The following FRYL variants were observed in gnomAD, a reference collection of about 807,000 sequenced individuals.
The protein encoded by FRYL is FRY like transcription coactivator, also known as protein furry homolog-like.
In FRYL, 150 loss-of-function variants were observed where a neutral mutation model predicts 351.2. The observed-to-expected ratio is 0.43, with a 90% CI of 0.37 to 0.49. The LOEUF (loss-of-function observed/expected upper bound fraction) is 0.49. FRYL is among the 20% of genes least tolerant of loss of function. The probability of loss-of-function intolerance (pLI) is 0.00; values close to 1 mark genes in which losing one functional copy is unlikely to be tolerated. For synonymous variants in FRYL, 1,153 were observed against 1,257.1 expected, an observed-to-expected ratio of 0.92 and a Z score of 1.75; for missense variants, 3,036 against 3,619.3, an observed-to-expected ratio of 0.84 and a Z score of 4.13.
At chr4:48,680,180 C>A (rs1323082358) in intron 3 of FRYL, among the ~76,000 whole-genome samples, 1 of 151,712 alleles carries the variant, frequency 6.6e-6, no homozygotes, top group Non-Finnish European at 1.5e-5. Flanking sequence ...ATCAAACTTG[C>A]AGAGGGTTTA....
In FRYL at chr4:48,544,803, A is replaced by G; in HGVS notation, c.5381T>C (p.Val1794Ala). 1 of 1,599,688 alleles carries G rather than the reference A, an allele frequency of 6.3e-7. No individual in the cohort carries two copies. Among genetic ancestry groups the G allele is most frequent in the Non-Finnish European group, 8.5e-7 (1 of 1,175,262 alleles). The change falls in exon 43 of 64, where the codon GTT (valine) becomes GCT (alanine). Residue 1794 changes from valine to alanine, a missense_variant. This residue lies in a region of FRYL where 1,987 missense variants were observed against 2,311.7 expected (regional missense o/e 0.86). Coordinates refer to ENST00000358350, the MANE Select transcript of FRYL (RefSeq NM_015030.2). Reference sequence around the variant, plus strand: ...GATACCTGAGCTTGACTGCTTAAAAACAGAAACCACATGTTTCAAAAATGT... The same window carrying G: ...GATACCTGAGCTTGACTGCTTAAAAGCAGAAACCACATGTTTCAAAAATGT... ...LTTFLKHVVS[V>A]FKQSSSEGIH...
intron 1 of FRYL, among the ~76,000 whole-genome samples, chr4:48,758,802 T>G (rs577692448): frequency 6.6e-6 from 1 of 152,322 alleles, no homozygotes; most frequent in Admixed American, 6.5e-5. Context: ...TGTGGCACTA[T>G]TCACAATAGC....
chr4:48,734,981 A>G (rs1771156314), intron 1 of FRYL, among the ~76,000 whole-genome samples: 1 of 151,062 alleles, frequency 6.6e-6, no homozygotes. Context: ...GAATCTAATT[A>G]AACTAAAGAG....
chr4:48,750,865 T>G (rs184682144), intron 1 of FRYL, among the ~76,000 whole-genome samples: 1 of 152,280 alleles, frequency 6.6e-6, no homozygotes, highest in Admixed American at 6.5e-5. Flanking sequence ...GAGCTTACAT[T>G]ACTATATCCA....
intron 26 of FRYL, chr4:48,571,626 T>C: frequency 1.0e-6 from 1 of 984,600 alleles, no homozygotes; most frequent in Middle Eastern, 5.2e-4. Context: ...TTCTTGTCCA[T>C]GACCCAATTT....
In FRYL at chr4:48,498,840, C is replaced by T. The variant is rs1350675687; in HGVS notation, c.*582G>A. On this transcript the variant is annotated 3_prime_UTR_variant, in exon 64 of 64. Coordinates refer to ENST00000358350, the MANE Select transcript of FRYL (RefSeq NM_015030.2). ...CATCCCAACTCACACACACATAATT[C>T]CTTATACAGACCAAAAAACAAAAAA... 1 of 155,956 alleles carries T rather than the reference C, an allele frequency of 6.4e-6. No homozygotes were observed. Among genetic ancestry groups the T allele is most frequent in the Non-Finnish European group, 1.4e-5 (1 of 70,302 alleles). The allele number at this position is 155,956 out of a possible 1,614,324, so 9.7% of individuals were successfully genotyped here.
intron 33 of FRYL, among the ~76,000 whole-genome samples, chr4:48,559,643 A>AGAGG (rs1173680886): frequency 1.7e-4 from 14 of 84,834 alleles, no homozygotes; most frequent in African/African-American, 3.4e-4. Context: ...GGAGAGAGGA[A>AGAGG]GAGGGAGGGA....
intron 35 of FRYL, among the ~76,000 whole-genome samples, chr4:48,554,182 C>G (rs1040949188): frequency 1.3e-5 from 2 of 152,140 alleles, no homozygotes; most frequent in Non-Finnish European, 2.9e-5. Context: ...CCTAGCAAGA[C>G]AGGCATCATC....
chr4:48,736,204 T>G lies in FRYL; in HGVS notation c.-383-25506A>C, dbSNP rs112287642. Among the ~76,000 whole-genome samples the G allele has an allele frequency of 5.9e-3, 903 of 152,138 alleles. 7 individuals are homozygous for G. The highest frequency in any genetic ancestry group is 0.02 in the African/African-American group (832 of 41,548). On this transcript the variant is annotated intron_variant, in intron 1 of 63. Coordinates refer to ENST00000358350, the MANE Select transcript of FRYL (RefSeq NM_015030.2). ...AAAATACAACATCAAAACTGTGGGATGCAACAAATGAAATGCTTAGGGGGA... is the reference window on the plus strand; with the variant it reads ...AAAATACAACATCAAAACTGTGGGAGGCAACAAATGAAATGCTTAGGGGGA...
chr4:48,581,347 G>A (rs1740862305), intron 21 of FRYL, 73 bp downstream of exon 21: 1 of 1,344,634 alleles, frequency 7.4e-7, no homozygotes, highest in Admixed American at 2.2e-5. Flanking sequence ...CTACCTACAT[G>A]GGATAAGGAT....
chr4:48,517,038 G>C (rs187325727), intron 55 of FRYL, among the ~76,000 whole-genome samples: 79 of 152,232 alleles, frequency 5.2e-4, no homozygotes, highest in Non-Finnish European at 6.8e-4. Context: ...TAGTTAAGCA[G>C]GGAAAGCAGC....
chr4:48,728,576 CA>C (rs1374276646), intron 1 of FRYL, among the ~76,000 whole-genome samples: 2 of 151,946 alleles, frequency 1.3e-5, no homozygotes, highest in Non-Finnish European at 2.9e-5. Context: ...AAAAAGCAAA[CA>C]AAAAACCTAC....
chr4:48,613,336 G>C (rs988368054), intron 7 of FRYL, among the ~76,000 whole-genome samples: 82 of 152,262 alleles, frequency 5.4e-4, no homozygotes, highest in Admixed American at 3.7e-3. Context: ...TGCTCAACCT[G>C]TATATACAGG....
At chr4:48,505,508 A>G in intron 60 of FRYL, 39 bp downstream of exon 60, 5 of 1,213,782 alleles carry the variant, frequency 4.1e-6, no homozygotes, top group African/African-American at 1.5e-5. Context: ...TACCTGATAC[A>G]GAAAATGTAT....
chr4:48,612,322 C>T (rs1748372164), intron 7 of FRYL, among the ~76,000 whole-genome samples: 2 of 152,112 alleles, frequency 1.3e-5, no homozygotes, highest in Admixed American at 6.5e-5. Flanking sequence ...CCTTTTGACC[C>T]TGGTAATCTT....
At chr4:48,751,018 A>AG (rs1773202892) in intron 1 of FRYL, among the ~76,000 whole-genome samples, 1 of 152,210 alleles carries the variant, frequency 6.6e-6, no homozygotes, top group African/African-American at 2.4e-5. Flanking sequence ...CTTGGGACTG[A>AG]GGGGCACGTG....
chr4:48,599,179 T>C (rs1745197943), intron 13 of FRYL, among the ~76,000 whole-genome samples: 1 of 152,190 alleles, frequency 6.6e-6, no homozygotes, highest in Admixed American at 6.5e-5. Flanking sequence ...TGAATGTAAG[T>C]ATAGATTGTT....
At position 48,571,722 on chromosome 4, in the gene FRYL, A is replaced by T. The variant is rs16861386; in HGVS notation, c.2905-804T>A. On this transcript the variant is annotated intron_variant, in intron 26 of 63. Transcript: ENST00000358350. ...TTGGCTCTTTCTAAAGTTGACAGCA[A>T]TTCATTTGAAACAGGATGATTTCTT... The T allele has an allele frequency of 3.7e-3, 3,626 of 974,512 alleles. 102 individuals carry two copies. The African/African-American group carries it at 0.054, about 15-fold the overall frequency. 60.4% of individuals were successfully genotyped at this position (974,512 alleles called of 1,614,324 possible).
intron 2 of FRYL, among the ~76,000 whole-genome samples, chr4:48,698,488 A>G (rs1488201450): frequency 1.3e-5 from 2 of 152,220 alleles, no homozygotes; most frequent in African/African-American, 2.4e-5. Context: ...GCTCTGTCCC[A>G]AAAGTGGTTA....
Sources: allele counts gnomAD v4.1 joint callset (sites outside exome capture counted in the v4.1 genomes callset), GRCh38; gene constraint gnomAD v4.1.1; regional missense constraint gnomAD v4.1.1; transcripts MANE v1.5; gene names NCBI Gene and HGNC (gene_info 2026-07-23, HGNC 2026-07-21).